The following ROCK1 variants were observed in gnomAD, a reference collection of about 807,000 sequenced individuals.
ROCK1 encodes the protein rho-associated protein kinase 1.
Under a neutral mutation model 196.8 loss-of-function variants are expected in ROCK1, and 36 were observed. The ratio of observed to expected loss-of-function variants is 0.18; its 90% CI spans 0.14 to 0.24. The LOEUF is 0.24. ROCK1 is among the 10% of genes least tolerant of loss of function. The probability of loss-of-function intolerance (pLI) is 1.00; values close to 1 mark genes in which losing one functional copy is unlikely to be tolerated. For synonymous variants in ROCK1, 443 were observed against 515.9 expected, an observed-to-expected ratio of 0.86 and a Z score of 1.91; for missense variants, 920 against 1,562.0, an observed-to-expected ratio of 0.59 and a Z score of 6.93.
At chr18:20,956,118 G>T (rs1168652991) in intron 29 of ROCK1, among the ~76,000 whole-genome samples, 1 of 152,118 alleles carries the variant, frequency 6.6e-6, no homozygotes, top group Non-Finnish European at 1.5e-5. Context: ...GTATGCAGTT[G>T]TCTCGTGGTA....
At chr18:21,052,604 G>A (rs1029208372) in intron 2 of ROCK1, among the ~76,000 whole-genome samples, 2 of 152,134 alleles carry the variant, frequency 1.3e-5, no homozygotes, top group Non-Finnish European at 2.9e-5. Context: ...GTGAGCAGTG[G>A]GTAGGCAAGC....
At chr18:21,026,450 A>G (rs1568387028) in intron 10 of ROCK1, among the ~76,000 whole-genome samples, 2 of 150,050 alleles carry the variant, frequency 1.3e-5, no homozygotes, top group African/African-American at 4.9e-5. Flanking sequence ...GTCTCGAAAA[A>G]AAAAAAAAAA....
At chr18:21,048,828 G>A (rs2143516426) in intron 4 of ROCK1, among the ~76,000 whole-genome samples, 1 of 152,224 alleles carries the variant, frequency 6.6e-6, no homozygotes, top group African/African-American at 2.4e-5. Context: ...CAGATAACAG[G>A]CATGAGCCAT....
At chr18:21,050,588 A>G (rs2036196030) in intron 2 of ROCK1, among the ~76,000 whole-genome samples, 1 of 152,188 alleles carries the variant, frequency 6.6e-6, no homozygotes, top group African/African-American at 2.4e-5. Context: ...CAACACTGGC[A>G]TGAGATTACA....
At position 20,961,818 on chromosome 18, in the gene ROCK1, CTTTTTTT is replaced by C. The variant is rs11334095; in HGVS notation, c.3353-1619_3353-1613del. On this transcript the variant is annotated intron_variant, in intron 27 of 32. Transcript: ENST00000399799. ...TCTTCTCCCAACATTTTTCTTTTTC[CTTTTTTT>C]TTTTTTTTTTTTTTGACATGAAGTC... Among the ~76,000 whole-genome samples the C allele has an allele frequency of 6.0e-4, 70 of 117,204 alleles. No individual in the cohort carries two copies. In the South Asian group the frequency reaches 0.016, roughly 27 times the overall value. The allele number at this position is 117,204 out of a possible 152,430, so 76.9% of individuals were successfully genotyped here. A position where few individuals can be genotyped will look rare whatever the true frequency, so the allele number is the denominator to read the frequency against.
At chr18:21,056,118 G>A (rs1292645075) in intron 2 of ROCK1, among the ~76,000 whole-genome samples, 2 of 151,992 alleles carry the variant, frequency 1.3e-5, no homozygotes, top group East Asian at 3.9e-4. Flanking sequence ...CTTAACACTG[G>A]AGCATTCCAA....
chr18:20,964,672 G>C (rs1458080555), intron 27 of ROCK1, among the ~76,000 whole-genome samples: 3 of 152,102 alleles, frequency 2.0e-5, no homozygotes, highest in African/African-American at 7.2e-5. Flanking sequence ...TTTGGACTTT[G>C]ATAACCTTAA....
chr18:20,970,143 A>T (rs1305993342), intron 23 of ROCK1: 1 of 446,834 alleles, frequency 2.2e-6, no homozygotes, highest in East Asian at 3.3e-5. Context: ...CTATACAAAC[A>T]AAAGCCCAAT....
At chr18:21,028,364 A>G (rs1403473178) in intron 10 of ROCK1, among the ~76,000 whole-genome samples, 1 of 151,828 alleles carries the variant, frequency 6.6e-6, no homozygotes, top group African/African-American at 2.4e-5. Flanking sequence ...TGCAGTGAGC[A>G]AAGATTGTGC....
chr18:20,956,153 C>G (rs1479925737), intron 29 of ROCK1, among the ~76,000 whole-genome samples: 2 of 150,236 alleles, frequency 1.3e-5, no homozygotes, highest in Non-Finnish European at 3.0e-5. Context: ...GTCCCAGGAC[C>G]CAGGAGGATT....
intron 9 of ROCK1, among the ~76,000 whole-genome samples, chr18:21,031,265 T>C (rs1479417657): frequency 6.6e-6 from 1 of 151,980 alleles, no homozygotes; most frequent in Non-Finnish European, 1.5e-5. Context: ...TTACAAAGCA[T>C]GTAAAGAAGC....
intron 22 of ROCK1, among the ~76,000 whole-genome samples, chr18:20,975,271 G>C (rs1268866140): frequency 2.0e-5 from 3 of 152,224 alleles, no homozygotes; most frequent in Non-Finnish European, 2.9e-5. Flanking sequence ...CTTGTCAAAT[G>C]ATGTGGACCT....
rs2035156394 is a variant in ROCK1 at position 20,948,986 on chromosome 18, T to C, written c.*2398A>G. 1 of 150,832 alleles carries C rather than the reference T, an allele frequency of 6.6e-6. No homozygotes were observed. The highest frequency in any genetic ancestry group is 2.4e-5 in the African/African-American group (1 of 41,068). 9.3% of individuals were successfully genotyped at this position (150,832 alleles called of 1,614,324 possible). ...GTGTGGATTCCTGATTATGGCACTA[T>C]CTGGACCCTCTCAATATTGGTATAC... is the stretch of plus-strand genomic sequence containing the variant. On this transcript the variant is annotated 3_prime_UTR_variant, in exon 33 of 33. Transcript: ENST00000399799.
chr18:21,107,336 A>G (rs916084055), intron 1 of ROCK1, among the ~76,000 whole-genome samples: 1 of 152,226 alleles, frequency 6.6e-6, no homozygotes, highest in African/African-American at 2.4e-5. Flanking sequence ...TTCTGAAACC[A>G]AAAGATTTGG....
chr18:21,085,010 T>C (rs1320560107), intron 1 of ROCK1, among the ~76,000 whole-genome samples: 1 of 152,124 alleles, frequency 6.6e-6, no homozygotes, highest in Admixed American at 6.5e-5. Flanking sequence ...GGAAAAATAT[T>C]GTATGATTCC....
chr18:20,994,662 C>G (rs1319845469), intron 16 of ROCK1, among the ~76,000 whole-genome samples: 2 of 152,194 alleles, frequency 1.3e-5, no homozygotes, highest in East Asian at 3.8e-4. Flanking sequence ...TTACTGCAAA[C>G]CAACTCCTAA....
At chr18:21,078,526 G>T (rs2036455692) in intron 1 of ROCK1, among the ~76,000 whole-genome samples, 5 of 152,104 alleles carry the variant, frequency 3.3e-5, no homozygotes, top group Admixed American at 3.3e-4. Flanking sequence ...TGCTGTAATG[G>T]CAGTCTGAGT....
chr18:20,980,845 G>A (rs866190964), intron 21 of ROCK1, among the ~76,000 whole-genome samples: 1 of 150,848 alleles, frequency 6.6e-6, no homozygotes, highest in African/African-American at 2.4e-5. Flanking sequence ...GAACCCAGGA[G>A]TGGGAGGTTG....
chr18:21,048,796 C>T (rs565779535), intron 4 of ROCK1, among the ~76,000 whole-genome samples: 52 of 152,218 alleles, frequency 3.4e-4, no homozygotes, highest in African/African-American at 1.2e-3. Context: ...GCTATCCTCC[C>T]GCCTTGTCCT....
Sources: allele counts gnomAD v4.1 joint callset (sites outside exome capture counted in the v4.1 genomes callset), GRCh38; gene constraint gnomAD v4.1.1; transcripts MANE v1.5; gene names NCBI Gene and HGNC (gene_info 2026-07-23, HGNC 2026-07-21).